Variants in AGBL1 observed in about 807,000 individuals in gnomAD.
AGBL1 encodes the protein cytosolic carboxypeptidase 4.
AGBL1 carries 130 observed loss-of-function variants against 118.9 expected under a neutral mutation model. That is an observed-to-expected ratio of 1.09 (90% CI 0.95 to 1.26). AGBL1 has a LOEUF of 1.26. Ranked by LOEUF, AGBL1 falls within the 50% of genes most tolerant of loss-of-function variation. The pLI, the probability that AGBL1 is intolerant of heterozygous loss-of-function variation, is 0.00. For missense variants in AGBL1, 1,584 were observed against 1,298.1 expected (o/e 1.22, Z -3.38); for synonymous variants, 555 against 478.9 (o/e 1.16, Z -2.08).
At chr15:86,365,002 TATATATACACACAC>T (rs1255569424) in intron 17 of AGBL1, among the ~76,000 whole-genome samples, 24 of 137,564 alleles carry the variant, frequency 1.7e-4, no homozygotes, top group African/African-American at 4.0e-4. Context: ...CACACACATA[TATATATACACACAC>T]ATATATATAT....
At chr15:86,369,520 C>T (rs2080940675) in intron 17 of AGBL1, among the ~76,000 whole-genome samples, 1 of 152,118 alleles carries the variant, frequency 6.6e-6, no homozygotes, top group African/African-American at 2.4e-5. Flanking sequence ...GGAACAAAAA[C>T]AGACTGATAA....
chr15:86,261,996 T>C (rs2078993874), intron 9 of AGBL1, among the ~76,000 whole-genome samples: 2 of 151,746 alleles, frequency 1.3e-5, no homozygotes, highest in Non-Finnish European at 2.9e-5. Flanking sequence ...TTATTCTGTA[T>C]GCAACAGCCA....
chr15:86,686,443 T>A (rs113368697), intron 22 of AGBL1, among the ~76,000 whole-genome samples: 7,464 of 57,788 alleles, frequency 0.13, 264 homozygotes, highest in Middle Eastern at 0.22. Context: ...ATATTCTAAG[T>A]TTTTTTTTTT....
At chr15:86,820,386 C>A (rs1040922209) in intron 22 of AGBL1, among the ~76,000 whole-genome samples, 1 of 152,166 alleles carries the variant, frequency 6.6e-6, no homozygotes, top group East Asian at 1.9e-4. Flanking sequence ...TTTTTTCAAT[C>A]TGTCCATCTG....
At chr15:86,279,942 T>G (rs74025092) in intron 16 of AGBL1, among the ~76,000 whole-genome samples, 159 bp downstream of exon 16, 2,001 of 152,282 alleles carry the variant, frequency 0.013, 57 homozygotes, top group African/African-American at 0.047. Context: ...TGTTACTGAC[T>G]TGGTGCTTTC....
intron 6 of AGBL1, among the ~76,000 whole-genome samples, chr15:86,246,939 T>G (rs55709110): frequency 0.17 from 26,499 of 152,142 alleles, 2,957 homozygotes; most frequent in South Asian, 0.32. Flanking sequence ...AATGGAAATC[T>G]GGTGGAAATC....
intron 18 of AGBL1, among the ~76,000 whole-genome samples, chr15:86,490,811 G>A (rs946400561): frequency 2.5e-5 from 3 of 119,692 alleles, no homozygotes; most frequent in East Asian, 2.6e-4. Flanking sequence ...TTAGAAATAA[G>A]AGAATGTGGA....
chr15:86,610,589 A>G (rs2084642273), intron 21 of AGBL1, among the ~76,000 whole-genome samples: 1 of 152,180 alleles, frequency 6.6e-6, no homozygotes, highest in Non-Finnish European at 1.5e-5. Flanking sequence ...TACAGTTTAG[A>G]GTTTAAAATG....
chr15:86,920,866 G>T (rs190513618), downstream of AGBL1, among the ~76,000 whole-genome samples: 264 of 152,158 alleles, frequency 1.7e-3, 1 homozygote, highest in African/African-American at 6.2e-3. Context: ...CCTTCATTTT[G>T]CCTGAGCTGG....
chr15:86,455,564 C>T (rs985743007), intron 18 of AGBL1, among the ~76,000 whole-genome samples: 1 of 152,054 alleles, frequency 6.6e-6, no homozygotes, highest in Admixed American at 6.6e-5. Flanking sequence ...TCTTTGTAAA[C>T]TCCAAAGCTT....
intron 20 of AGBL1, among the ~76,000 whole-genome samples, chr15:86,551,201 A>G (rs1338161469): frequency 6.6e-6 from 1 of 152,246 alleles, no homozygotes; most frequent in Non-Finnish European, 1.5e-5. Context: ...ATCCCAAAGT[A>G]TAAGAAAGAA....
intron 22 of AGBL1, among the ~76,000 whole-genome samples, chr15:86,814,944 G>A (rs559708552): frequency 6.6e-5 from 10 of 152,230 alleles, no homozygotes; most frequent in East Asian, 1.9e-4. Context: ...AGAAATGTAC[G>A]AATAAATGTT....
At chr15:86,596,411 A>C (rs1451845186) in intron 21 of AGBL1, among the ~76,000 whole-genome samples, 1 of 152,162 alleles carries the variant, frequency 6.6e-6, no homozygotes, top group Admixed American at 6.5e-5. Flanking sequence ...ATATAGGTTA[A>C]ATAACTTTGT....
chr15:86,098,884 C>T (rs1481953272), intron 1 of AGBL1, among the ~76,000 whole-genome samples: 1 of 151,938 alleles, frequency 6.6e-6, no homozygotes, highest in African/African-American at 2.4e-5. Flanking sequence ...TGGATTGAAT[C>T]TGTAGATTGC....
chr15:86,355,104 T>A (rs1043692030), intron 17 of AGBL1, among the ~76,000 whole-genome samples: 24 of 152,290 alleles, frequency 1.6e-4, no homozygotes, highest in Admixed American at 1.3e-3. Context: ...GCCAGGTGAC[T>A]TTTTGCTTGG....
Position 86,907,423 on chromosome 15 carries a change from G to A in AGBL1, c.*129G>A, listed in dbSNP as rs2080295704. 1 of 152,264 alleles carries A rather than the reference G, an allele frequency of 6.6e-6. No homozygotes were observed. Among genetic ancestry groups the A allele is most frequent in the Non-Finnish European group, 1.5e-5 (1 of 68,110 alleles). The allele number at this position is 152,264 out of a possible 1,614,324, so 9.4% of individuals were successfully genotyped here. On this transcript the variant is annotated 3_prime_UTR_variant, in exon 23 of 23. Transcript: ENST00000614907. ...CAAAAAGCCAGCCTGTGTGAGCTCA[G>A]CAACCCCATTTCCAGATTTTGTTCT... is the stretch of plus-strand genomic sequence containing the variant.
At chr15:86,756,384 G>T (rs768244843) in intron 22 of AGBL1, among the ~76,000 whole-genome samples, 1 of 151,898 alleles carries the variant, frequency 6.6e-6, no homozygotes, top group Non-Finnish European at 1.5e-5. Flanking sequence ...ACTACCATGT[G>T]CTGGGGATTG....
intron 17 of AGBL1, among the ~76,000 whole-genome samples, chr15:86,317,434 G>A (rs2080030931): frequency 6.6e-6 from 1 of 152,218 alleles, no homozygotes; most frequent in African/African-American, 2.4e-5. Flanking sequence ...TTTCCAAACA[G>A]CACTGGAGAA....
At chr15:86,392,840 A>G (rs997707763) in intron 17 of AGBL1, among the ~76,000 whole-genome samples, 1 of 152,186 alleles carries the variant, frequency 6.6e-6, no homozygotes, top group African/African-American at 2.4e-5. Flanking sequence ...TTAATTGCAG[A>G]AAAAAATAAA....
Sources: gnomAD v4.1 joint callset for allele counts (sites outside exome capture counted in the v4.1 genomes callset) on GRCh38, gnomAD v4.1.1 for gene constraint, MANE v1.5 for transcripts, NCBI Gene and HGNC (gene_info 2026-07-23, HGNC 2026-07-21) for gene names.